The following OLFML2A variants were observed in gnomAD, a reference collection of about 807,000 sequenced individuals.
OLFML2A encodes olfactomedin like 2A.
Under a neutral mutation model 60.9 loss-of-function variants are expected in OLFML2A, and 47 were observed. The observed-to-expected ratio is 0.77, with a 90% confidence interval of 0.61 to 0.98. OLFML2A has a LOEUF of 0.98. OLFML2A is among the 50% of genes least tolerant of loss of function. OLFML2A has a pLI of 0.00. For missense variants in OLFML2A, 922 were observed against 879.8 expected, an observed-to-expected ratio of 1.05 and a Z score of -0.61; for synonymous variants, 372 against 375.0, an observed-to-expected ratio of 0.99 and a Z score of 0.09.
intron 3 of OLFML2A, 150 bp downstream of exon 3, chr9:124,795,281 A>G (rs1841648510): frequency 1.7e-6 from 1 of 571,456 alleles, no homozygotes; most frequent in Non-Finnish European, 3.2e-6. Context: ...AATGCAGGCC[A>G]CAGGGTCCAG....
intron 6 of OLFML2A, among the ~76,000 whole-genome samples, chr9:124,806,470 T>G (rs185394646): frequency 2.0e-5 from 3 of 151,556 alleles, no homozygotes; most frequent in African/African-American, 7.2e-5. Flanking sequence ...TATGTTGAAC[T>G]TATTCCTGTT....
chr9:124,809,626 A>G (rs1252615485), intron 7 of OLFML2A, among the ~76,000 whole-genome samples, 182 bp from the exon 8 acceptor site: 4 of 151,492 alleles, frequency 2.6e-5, no homozygotes, highest in African/African-American at 7.3e-5. Context: ...AGATGGGATG[A>G]CGATAGACCT....
At chr9:124,789,375 G>A (rs1841533828) in intron 2 of OLFML2A, among the ~76,000 whole-genome samples, 1 of 152,208 alleles carries the variant, frequency 6.6e-6, no homozygotes, top group Non-Finnish European at 1.5e-5. Context: ...GAAGCTGGCA[G>A]AAGATGCAGC....
intron 5 of OLFML2A, 46 bp downstream of exon 5, chr9:124,801,709 C>T: frequency 6.3e-7 from 1 of 1,584,776 alleles, no homozygotes; most frequent in East Asian, 2.2e-5. Context: ...GGGATGGATG[C>T]CTCCTAGGAA....
chr9:124,810,134 C>T lies in OLFML2A; in HGVS notation c.1681C>T (p.His561Tyr). The change falls in exon 8 of 8, where the codon CAC (histidine) becomes TAC (tyrosine). Residue 561 changes from histidine (H) to tyrosine (Y), a missense_variant. Transcript: ENST00000373580. ...SRLDPGDLSV[H>Y]RETTWKTRLR... ...CTTGGACCCCGGCGATCTCTCCGTG[C>T]ACCGGGAGACCACGTGGAAGACACG... 3 of 1,613,896 alleles carry T rather than the reference C, an allele frequency of 1.9e-6. No individual in the cohort carries two copies. The highest frequency in any genetic ancestry group is 2.5e-6 in the Non-Finnish European group (3 of 1,180,018).
chr9:124,808,717 G>C (rs1042714329), intron 7 of OLFML2A, among the ~76,000 whole-genome samples: 1 of 152,068 alleles, frequency 6.6e-6, no homozygotes, highest in Non-Finnish European at 1.5e-5. Context: ...CAGGCAGAAG[G>C]CTGAGTACAT....
intron 1 of OLFML2A, among the ~76,000 whole-genome samples, chr9:124,780,922 C>T (rs1382416023): frequency 6.6e-6 from 1 of 152,190 alleles, no homozygotes; most frequent in East Asian, 1.9e-4. Context: ...AGCCTTGGAG[C>T]CTCTAGGAAG....
intron 7 of OLFML2A, among the ~76,000 whole-genome samples, chr9:124,808,225 C>T (rs567334942): frequency 6.6e-6 from 1 of 152,346 alleles, no homozygotes; most frequent in African/African-American, 2.4e-5. Context: ...CATGGTCCTG[C>T]CCTCACAAGT....
intron 2 of OLFML2A, among the ~76,000 whole-genome samples, chr9:124,792,392 C>T (rs955490356): frequency 6.6e-6 from 1 of 152,186 alleles, no homozygotes; most frequent in African/African-American, 2.4e-5. Context: ...CTACCTGTGT[C>T]CCCTGATCTG....
At position 124,778,977 on chromosome 9, in the gene OLFML2A, A is replaced by G. The variant is rs76742635; in HGVS notation, c.90+1617A>G. 3,787 of 984,798 alleles carry G rather than the reference A, an allele frequency of 3.8e-3. 97 individuals carry two copies. In the African/African-American group the frequency reaches 0.059, roughly 15 times the overall value. 61.0% of individuals were successfully genotyped at this position (984,798 alleles called of 1,614,324 possible). A position where few individuals can be genotyped will look rare whatever the true frequency, so the allele number is the denominator to read the frequency against. On this transcript the variant is annotated intron_variant, in intron 1 of 7. Transcript: ENST00000373580. ...CACGGACAGATAAAAGACAGAAGCC[A>G]CTAGCCACACGGTGAGTATATGAGC...
chr9:124,810,037 C>T lies in OLFML2A; in HGVS notation c.1584C>T (p.Ser528=), dbSNP rs751332771. The T allele has an allele frequency of 4.3e-6, 7 of 1,613,916 alleles. No individual in the cohort carries two copies. Among genetic ancestry groups the T allele is most frequent in the Non-Finnish European group, 5.1e-6 (6 of 1,180,026 alleles). ...HSDIDFAVDE[S]GLWVIYPAVD... ...ACATTGACTTTGCCGTGGACGAGAG[C>T]GGCCTGTGGGTCATCTACCCCGCCG... Residue 528 remains serine (S), a synonymous_variant, in exon 8 of 8, where the codon AGC becomes AGT. Transcript: ENST00000373580.
At position 124,804,242 on chromosome 9, in the gene OLFML2A, T is replaced by C; in HGVS notation, c.1068T>C (p.Thr356=). Residue 356 remains threonine, a synonymous_variant, in exon 6 of 8, where the codon ACT becomes ACC. Coordinates refer to ENST00000373580, the MANE Select transcript of OLFML2A (RefSeq NM_182487.4). ...TGGACCTGGCTTCTGGCACCCCCACTTCAATCCCTGCCACCACCACCACCG... is the reference window on the plus strand; with the variant it reads ...TGGACCTGGCTTCTGGCACCCCCACCTCAATCCCTGCCACCACCACCACCG... ...ERVDLASGTP[T]SIPATTTTAT... 5.0e-6 allele frequency: 8 copies of C among 1,612,818 alleles called. No homozygotes were observed. The highest frequency in any genetic ancestry group is 6.8e-6 in the Non-Finnish European group (8 of 1,179,616).
intron 2 of OLFML2A, among the ~76,000 whole-genome samples, chr9:124,790,356 G>T (rs1248085975): frequency 6.6e-6 from 1 of 151,844 alleles, no homozygotes; most frequent in East Asian, 1.9e-4. Flanking sequence ...TGTATTTTTA[G>T]TAGAGATGGA....
chr9:124,787,094 C>G lies in OLFML2A; in HGVS notation c.210C>G (p.Arg70=). ...ACSRVRSGRA[R]VEDFYTVETV... ...GCCGAGTGCGCAGTGGGCGGGCACG[C>G]GTGGAGGACTTCTACACGGTGGAGA... Residue 70 remains arginine, a synonymous_variant, in exon 2 of 8, where the codon CGC becomes CGG. Coordinates refer to ENST00000373580, the MANE Select transcript of OLFML2A (RefSeq NM_182487.4). 3 of 1,614,148 alleles carry G rather than the reference C, an allele frequency of 1.9e-6. No individual in the cohort carries two copies. The highest frequency in any genetic ancestry group is 2.5e-6 in the Non-Finnish European group (3 of 1,180,044).
chr9:124,787,082 T>C lies in OLFML2A; in HGVS notation c.198T>C (p.Ser66=), dbSNP rs1481467947. 1 of 1,614,108 alleles carries C rather than the reference T, an allele frequency of 6.2e-7. No individual in the cohort carries two copies. The highest frequency in any genetic ancestry group is 1.7e-5 in the Admixed American group (1 of 60,018). Residue 66 remains serine (S), a synonymous_variant, in exon 2 of 8, where the codon AGT becomes AGC. Coordinates refer to ENST00000373580, the MANE Select transcript of OLFML2A (RefSeq NM_182487.4). ...AGGACGCGTGTAGCCGAGTGCGCAGTGGGCGGGCACGCGTGGAGGACTTCT... is the reference window on the plus strand; with the variant it reads ...AGGACGCGTGTAGCCGAGTGCGCAGCGGGCGGGCACGCGTGGAGGACTTCT... ...LSKDACSRVR[S]GRARVEDFYT...
intron 1 of OLFML2A, among the ~76,000 whole-genome samples, chr9:124,783,291 G>A (rs763047639): frequency 6.4e-4 from 98 of 152,180 alleles, no homozygotes; most frequent in Non-Finnish European, 1.3e-3. Flanking sequence ...GGCCAACATG[G>A]TGAAACCCCA....
At chr9:124,782,112 G>T (rs891555720) in intron 1 of OLFML2A, among the ~76,000 whole-genome samples, 4 of 152,224 alleles carry the variant, frequency 2.6e-5, no homozygotes, top group Admixed American at 2.6e-4. Context: ...GGCCTAGTAG[G>T]AGCCTCAGGT....
intron 6 of OLFML2A, among the ~76,000 whole-genome samples, chr9:124,807,334 A>AGT (rs1414955436): frequency 7.2e-6 from 1 of 138,864 alleles, no homozygotes; most frequent in African/African-American, 2.8e-5. Context: ...TGTCGCCCAG[A>AGT]GTGCAGTGGC....
At position 124,801,442 on chromosome 9, in the gene OLFML2A, T is replaced by C. The variant is rs1841771683; in HGVS notation, c.698T>C (p.Ile233Thr). 1 of 1,614,056 alleles carries C rather than the reference T, an allele frequency of 6.2e-7. No individual in the cohort carries two copies. The highest frequency in any genetic ancestry group is 1.3e-5 in the African/African-American group (1 of 74,990). ...QDTARGKGKD[I>T]SKYGSVQKSF... is the part of the protein sequence containing the mutation. Reference sequence around the variant, plus strand: ...ACAGCTAGAGGAAAAGGCAAGGACATCAGCAAGTATGGCAGTGTGCAGAAA... The same window carrying C: ...ACAGCTAGAGGAAAAGGCAAGGACACCAGCAAGTATGGCAGTGTGCAGAAA... Residue 233 changes from isoleucine to threonine, a missense_variant, in exon 5 of 8, where the codon ATC becomes ACC. Transcript: ENST00000373580.
Sources: allele counts gnomAD v4.1 joint callset (sites outside exome capture counted in the v4.1 genomes callset), GRCh38; gene constraint gnomAD v4.1.1; transcripts MANE v1.5; gene names NCBI Gene and HGNC (gene_info 2026-07-23, HGNC 2026-07-21).